Variants in STRIP1 observed in about 807,000 individuals in gnomAD.
STRIP1 encodes striatin interacting protein 1.
In STRIP1, 63 loss-of-function variants were observed where a neutral mutation model predicts 106.2. That is an observed-to-expected ratio of 0.59 (90% CI 0.48 to 0.73). The LOEUF (loss-of-function observed/expected upper bound fraction) is 0.73, where lower values mean the gene tolerates loss of function less well. STRIP1 is among the 30% of genes least tolerant of loss of function. STRIP1 has a pLI of 0.00. For missense variants in STRIP1, 857 were observed against 1,074.8 expected, an observed-to-expected ratio of 0.80 and a Z score of 2.83; for synonymous variants, 390 against 413.0, an observed-to-expected ratio of 0.94 and a Z score of 0.67.
rs1362696891 is a variant in STRIP1, at chr1:110,051,072, A to G, written c.2061+12A>G. Reference sequence around the variant, plus strand: ...ATTCAAGGACAATGGTAAGTGAGTCAGTGTAGTCAGCAGGCTTGGAACTTG... The same window carrying G: ...ATTCAAGGACAATGGTAAGTGAGTCGGTGTAGTCAGCAGGCTTGGAACTTG... On this transcript the variant is annotated intron_variant, in intron 19 of 20. Coordinates refer to ENST00000369795, the MANE Select transcript of STRIP1 (RefSeq NM_033088.4). 1 of 1,546,292 alleles carries G rather than the reference A, an allele frequency of 6.5e-7. No individual in the cohort carries two copies. Among genetic ancestry groups the G allele is most frequent in the Admixed American group, 1.7e-5 (1 of 59,944 alleles).
intron 20 of STRIP1, 115 bp from the exon 21 acceptor site, chr1:110,053,550 A>G (rs1234035824): frequency 2.8e-6 from 4 of 1,414,566 alleles, no homozygotes; most frequent in Admixed American, 4.3e-5. Context: ...CTTTCTGAGG[A>G]TGAGCTCGGA....
intron 1 of STRIP1, 42 bp downstream of exon 1, chr1:110,034,859 G>C: frequency 7.3e-7 from 1 of 1,375,290 alleles, no homozygotes; most frequent in Non-Finnish European, 9.4e-7. Flanking sequence ...GGGTCGGGCG[G>C]CGCCGGGGGT....
intron 9 of STRIP1, 63 bp downstream of exon 9, chr1:110,043,333 CAGTCCTTGG>C: frequency 6.6e-7 from 1 of 1,525,392 alleles, no homozygotes. Flanking sequence ...TGCAGCAGCA[CAGTCCTTGG>C]AGGAGCAGGG....
At chr1:110,051,168 T>A (rs1220278365) in intron 19 of STRIP1, 108 bp downstream of exon 19, 2 of 751,336 alleles carry the variant, frequency 2.7e-6, no homozygotes, top group Non-Finnish European at 4.8e-6. Flanking sequence ...CACTTAACTT[T>A]GCTGTAGCCG....
At chr1:110,034,157 G>A (rs988068139), upstream of STRIP1, among the ~76,000 whole-genome samples, 7 of 152,152 alleles carry the variant, frequency 4.6e-5, no homozygotes, top group African/African-American at 1.7e-4. Flanking sequence ...GTTATGTACC[G>A]TGACTGCAGA....
In STRIP1 at chr1:110,043,804, C is replaced by T; in HGVS notation, c.1234C>T (p.Gln412Ter). The T allele has an allele frequency of 3.1e-6, 5 of 1,614,194 alleles. No homozygotes were observed. Among genetic ancestry groups the T allele is most frequent in the Non-Finnish European group, 4.2e-6 (5 of 1,180,032 alleles). Residue 412 changes from glutamine to a stop codon, truncating the protein, a stop_gained, in exon 10 of 21, where the codon CAG (glutamine) becomes TAG (stop). Coordinates refer to ENST00000369795, the MANE Select transcript of STRIP1 (RefSeq NM_033088.4). LOFTEE classifies it high-confidence loss of function. ...EVMPPPLQHPQTDRLTCPKGL... is the reference protein window; with the variant it reads ...EVMPPPLQHP ...GATGCCTCCCCCGCTACAGCACCCA[C>T]AGACTGACAGGCTGACTTGCCCCAA... is the stretch of plus-strand genomic sequence containing the variant.
At chr1:110,047,972 G>A in intron 15 of STRIP1, 103 bp downstream of exon 15, 1 of 942,608 alleles carries the variant, frequency 1.1e-6, no homozygotes, top group South Asian at 1.5e-5. Flanking sequence ...CAGCTCTACA[G>A]GTTAAATGTA....
Position 110,039,386 on chromosome 1 carries a change from G to C in STRIP1, c.461-9G>C, listed in dbSNP as rs757906339. The C allele has an allele frequency of 7.4e-6, 12 of 1,614,054 alleles. No individual in the cohort carries two copies. The East Asian group carries it at 2.7e-4, about 36-fold the overall frequency. On this transcript the variant is annotated splice_polypyrimidine_tract_variant and intron_variant, in intron 4 of 20. Coordinates refer to ENST00000369795, the MANE Select transcript of STRIP1 (RefSeq NM_033088.4). Reference sequence around the variant, plus strand: ...GGAGGGGCTCAGTGAGTTGAACCCTGCATTGCAGGCACGTTTGGGGAGTGC... The same window carrying C: ...GGAGGGGCTCAGTGAGTTGAACCCTCCATTGCAGGCACGTTTGGGGAGTGC...
upstream of STRIP1, among the ~76,000 whole-genome samples, chr1:110,033,068 C>T (rs537249985): frequency 2.0e-5 from 3 of 152,008 alleles, no homozygotes; most frequent in African/African-American, 7.2e-5. Context: ...AACATCAGGG[C>T]TTTTGCATTT....
chr1:110,042,949 G>T (rs1373118705), intron 8 of STRIP1, 139 bp from the exon 9 acceptor site: 3 of 749,576 alleles, frequency 4.0e-6, no homozygotes, highest in African/African-American at 3.5e-5. Context: ...AGTGGCTTCA[G>T]TCCATTGTTC....
At position 110,053,989 on chromosome 1, in the gene STRIP1, G is replaced by C. The variant is rs1653422987; in HGVS notation, c.*77G>C. Reference sequence around the variant, plus strand: ...TGTGGGACTGTCCTAGTTCATTGCTGCAGTGCTCCCATCCCCCACCAGGTG... The same window carrying C: ...TGTGGGACTGTCCTAGTTCATTGCTCCAGTGCTCCCATCCCCCACCAGGTG... On this transcript the variant is annotated 3_prime_UTR_variant, in exon 21 of 21. Transcript: ENST00000369795. 6.5e-7 allele frequency: 1 copy of C among 1,547,290 alleles called. No individual in the cohort carries two copies. The highest frequency in any genetic ancestry group is 1.4e-5 in the African/African-American group (1 of 73,840).
At chr1:110,040,736 G>A (rs201518902) in intron 6 of STRIP1, 33 bp downstream of exon 6, 243 of 1,582,720 alleles carry the variant, frequency 1.5e-4, no homozygotes, top group Admixed American at 4.6e-4. Flanking sequence ...GCTCCTGAGC[G>A]TTAGTCAGAG....
At position 110,047,487 on chromosome 1, in the gene STRIP1, T is replaced by A. The variant is rs1570925260; in HGVS notation, c.1489-55T>A. 1.8e-5 allele frequency: 26 copies of A among 1,455,812 alleles called. No individual in the cohort carries two copies. In the South Asian group the frequency reaches 3.0e-4, roughly 17 times the overall value. 90.2% of individuals were successfully genotyped at this position (1,455,812 alleles called of 1,614,324 possible). A position where few individuals can be genotyped will look rare whatever the true frequency, so the allele number is the denominator to read the frequency against. ...TCCTCCAGCCAGCTAGGAAGCTGGCTCAGGAGATTGTATTCTGGGCTGGGG... is the reference window on the plus strand; with the variant it reads ...TCCTCCAGCCAGCTAGGAAGCTGGCACAGGAGATTGTATTCTGGGCTGGGG... On this transcript the variant is annotated intron_variant, in intron 13 of 20. Coordinates refer to ENST00000369795, the MANE Select transcript of STRIP1 (RefSeq NM_033088.4).
At chr1:110,049,426 C>CA (rs1653184238) in intron 16 of STRIP1, 34 bp from the exon 17 acceptor site, 3 of 1,320,844 alleles carry the variant, frequency 2.3e-6, no homozygotes, top group Non-Finnish European at 3.1e-6. Context: ...AGGGCCGCGC[C>CA]TTTTTTTTTT....
rs1336456186 is a variant in STRIP1 at position 110,040,777 on chromosome 1, CTG to C, written c.650+77_650+78del. On this transcript the variant is annotated intron_variant, in intron 6 of 20. Transcript: ENST00000369795. ...ATCAGAGCAGGGTGTGGGAGGCTGT[CTG>C]TGGGTGTCATTGCTGTGTGTGCTTC... is the stretch of plus-strand genomic sequence containing the variant. 10 of 1,281,014 alleles carry C rather than the reference CTG, an allele frequency of 7.8e-6. No individual in the cohort carries two copies. The East Asian group carries it at 1.8e-4, about 23-fold the overall frequency. 79.4% of individuals were successfully genotyped at this position (1,281,014 alleles called of 1,614,324 possible).
Position 110,041,548 on chromosome 1 carries a change from C to T in STRIP1, c.663C>T (p.Asn221=), listed in dbSNP as rs777835481. 1 of 1,613,858 alleles carries T rather than the reference C, an allele frequency of 6.2e-7. No homozygotes were observed. The highest frequency in any genetic ancestry group is 1.3e-5 in the African/African-American group (1 of 75,028). Residue 221 remains asparagine, a synonymous_variant, in exon 7 of 21, where the codon AAC becomes AAT. Transcript: ENST00000369795. ...ADSTDLRVLL[N]IMYLIVETVH... The stretch of plus-strand genomic sequence containing the variant: ...CTCTTGTCCTCAGGGTCCTGCTCAA[C>T]ATCATGTACCTGATAGTGGAGACCG...
In STRIP1 at chr1:110,050,992, CTCTTT is replaced by C. The variant is rs1653273581; in HGVS notation, c.1998_2002del (p.Phe666LeufsTer89). On this transcript the variant is annotated frameshift_variant, in exon 19 of 21. Coordinates refer to ENST00000369795, the MANE Select transcript of STRIP1 (RefSeq NM_033088.4). LOFTEE classifies it high-confidence loss of function. ...CAGTAACCAATTTTGCTGGAGGAACCTCTTTTCTTGTATCAATCTGCTTCGGATCT... is the reference window on the plus strand; with the variant it reads ...CAGTAACCAATTTTGCTGGAGGAACCTCTTGTATCAATCTGCTTCGGATCT... 4 of 1,614,016 alleles carry C rather than the reference CTCTTT, an allele frequency of 2.5e-6. No homozygotes were observed. Among genetic ancestry groups the C allele is most frequent in the South Asian group, 1.1e-5 (1 of 91,076 alleles).
At position 110,034,770 on chromosome 1, in the gene STRIP1, G is replaced by C; in HGVS notation, c.133G>C (p.Gly45Arg). 1 of 1,444,118 alleles carries C rather than the reference G, an allele frequency of 6.9e-7. No individual in the cohort carries two copies. Among genetic ancestry groups the C allele is most frequent in the Non-Finnish European group, 9.0e-7 (1 of 1,105,200 alleles). The allele number at this position is 1,444,118 out of a possible 1,614,324, so 89.5% of individuals were successfully genotyped here. A position where few individuals can be genotyped will look rare whatever the true frequency, so the allele number is the denominator to read the frequency against. The part of the protein sequence containing the change: ...APRAAAGLLP[G>R]GKAREFNRNQ... ...GCGGGCCGCCGCGGGCCTCCTGCCTGGGGGCAAAGCCCGCGAGTTCAACCG... is the reference window on the plus strand; with the variant it reads ...GCGGGCCGCCGCGGGCCTCCTGCCTCGGGGCAAAGCCCGCGAGTTCAACCG... Residue 45 changes from glycine to arginine, a missense_variant, in exon 1 of 21, where the codon GGG becomes CGG. By Grantham distance (125) the Gly-to-Arg change is moderately radical. This residue lies in a region of STRIP1 where 107 missense variants were observed against 85.1 expected (regional missense o/e 1.26). Coordinates refer to ENST00000369795, the MANE Select transcript of STRIP1 (RefSeq NM_033088.4).
chr1:110,048,792 T>C (rs927705136), intron 15 of STRIP1, among the ~76,000 whole-genome samples: 1 of 152,148 alleles, frequency 6.6e-6, no homozygotes, highest in African/African-American at 2.4e-5. Flanking sequence ...ACAGAACACA[T>C]TTGGAGAACT....
Sources: gnomAD v4.1 joint callset for allele counts (sites outside exome capture counted in the v4.1 genomes callset) on GRCh38, gnomAD v4.1.1 for gene constraint, gnomAD v4.1.1 regional missense constraint, MANE v1.5 for transcripts, NCBI Gene and HGNC (gene_info 2026-07-23, HGNC 2026-07-21) for gene names.